RHEX: variants seen among roughly 807,000 people sequenced by gnomAD.
The protein encoded by RHEX is regulator of hemoglobinization and erythroid cell expansion, also known as regulator of hemoglobinization and erythroid cell expansion protein.
In RHEX, 18 loss-of-function variants were observed where a neutral mutation model predicts 20.1. The observed-to-expected ratio is 0.90, with a 90% confidence interval of 0.62 to 1.33. The LOEUF is 1.33. RHEX is among the 40% of genes most tolerant of loss of function. RHEX has a pLI of 0.00. For synonymous variants in RHEX, 87 were observed against 77.1 expected (o/e 1.13, Z -0.67); for missense variants, 192 against 214.3 (o/e 0.90, Z 0.65).
At chr1:206,097,946 C>A in intron 2 of RHEX, 107 bp downstream of exon 2, 1 of 1,184,396 alleles carries the variant, frequency 8.4e-7, no homozygotes, top group Non-Finnish European at 1.3e-6. Flanking sequence ...GCCTTATTGT[C>A]CAGAGAGGCA....
chr1:206,056,505 TTATAAGTG>T (rs1255464648), intron 1 of RHEX: 1 of 152,294 alleles, frequency 6.6e-6, no homozygotes, highest in Non-Finnish European at 1.5e-5. Flanking sequence ...TTTATGGTTA[TTATAAGTG>T]TACCAGGACT....
At position 206,087,925 on chromosome 1, in the gene RHEX, C is replaced by T. The variant is rs143714918; in HGVS notation, c.-96-9808C>T. ...GCCATTCCACAATGTATACTTATTT[C>T]GAAACATGTTGTACACAATAAATAT... On this transcript the variant is annotated intron_variant, in intron 1 of 5. Transcript: ENST00000331555. 2.5e-4 allele frequency among the ~76,000 whole-genome samples: 38 copies of T among 152,170 alleles called. 1 individual carries two copies. The East Asian group carries it at 6.2e-3, about 25-fold the overall frequency.
chr1:206,094,023 G>T (rs1306090950), intron 1 of RHEX, among the ~76,000 whole-genome samples: 3 of 152,150 alleles, frequency 2.0e-5, no homozygotes, highest in Non-Finnish European at 4.4e-5. Context: ...ACATTAGTGT[G>T]GGGGCTGGAT....
intron 1 of RHEX, among the ~76,000 whole-genome samples, chr1:206,073,676 C>T (rs1378245151): frequency 5.9e-5 from 9 of 152,094 alleles, no homozygotes; most frequent in Admixed American, 2.6e-4. Context: ...CCCTGTCTCG[C>T]GCAACCAACC....
At chr1:206,071,266 G>A (rs1662523281) in intron 1 of RHEX, among the ~76,000 whole-genome samples, 2 of 152,098 alleles carry the variant, frequency 1.3e-5, no homozygotes, top group South Asian at 2.1e-4. Context: ...GATGAAGGCC[G>A]GAAGACTCAG....
intron 1 of RHEX, among the ~76,000 whole-genome samples, chr1:206,076,799 G>A (rs532839755): frequency 1.8e-4 from 27 of 152,296 alleles, no homozygotes; most frequent in South Asian, 1.7e-3. Context: ...GGCTTATATG[G>A]ACTACATTTT....
At chr1:206,092,865 A>T (rs557995339) in intron 1 of RHEX, among the ~76,000 whole-genome samples, 1 of 152,188 alleles carries the variant, frequency 6.6e-6, no homozygotes, top group Non-Finnish European at 1.5e-5. Flanking sequence ...TACAAAATGG[A>T]AATAAAGATT....
intron 1 of RHEX, among the ~76,000 whole-genome samples, chr1:206,081,335 CT>C: frequency 6.6e-6 from 1 of 152,322 alleles, no homozygotes; most frequent in Middle Eastern, 3.4e-3. Context: ...TTCAATAATT[CT>C]GACTTTGCTA....
chr1:206,088,376 A>G (rs1403359300), intron 1 of RHEX, among the ~76,000 whole-genome samples: 1 of 152,202 alleles, frequency 6.6e-6, no homozygotes, highest in African/African-American at 2.4e-5. Flanking sequence ...TTGATAAACA[A>G]AATTATTGTT....
intron 1 of RHEX, among the ~76,000 whole-genome samples, chr1:206,065,890 G>C (rs118154690): frequency 0.014 from 2,138 of 152,302 alleles, 58 homozygotes; most frequent in Admixed American, 0.071. Context: ...CCAATCATCG[G>C]TTTTTCAGTT....
intron 1 of RHEX, among the ~76,000 whole-genome samples, chr1:206,066,598 C>T (rs1192396497): frequency 6.6e-6 from 1 of 152,044 alleles, no homozygotes; most frequent in Non-Finnish European, 1.5e-5. Flanking sequence ...GCCTGGGCAA[C>T]AAGAGAGAGA....
chr1:206,101,704 C>CA (rs1558181524), intron 5 of RHEX, 48 bp from the exon 6 acceptor site: 1 of 1,452,256 alleles, frequency 6.9e-7, no homozygotes, highest in East Asian at 2.3e-5. Context: ...TTATTTCCCC[C>CA]AAACGTGGTA....
chr1:206,084,522 A>G (rs1662799579), intron 1 of RHEX, among the ~76,000 whole-genome samples: 1 of 152,192 alleles, frequency 6.6e-6, no homozygotes, highest in Admixed American at 6.5e-5. Flanking sequence ...ATTTCATTAC[A>G]GAAGAGTTAG....
intron 1 of RHEX, among the ~76,000 whole-genome samples, chr1:206,058,167 T>C (rs1470734794): frequency 6.6e-6 from 1 of 152,228 alleles, no homozygotes; most frequent in Non-Finnish European, 1.5e-5. Context: ...TGTTTGGAAA[T>C]TGGTTCCCAG....
chr1:206,064,650 G>C (rs1553283930), intron 1 of RHEX, among the ~76,000 whole-genome samples: 1 of 149,350 alleles, frequency 6.7e-6, no homozygotes, highest in South Asian at 2.1e-4. Flanking sequence ...CCCGGGGGGA[G>C]GTGGGGGGGT....
intron 1 of RHEX, chr1:206,056,274 G>C (rs1489237783): frequency 6.6e-6 from 1 of 152,558 alleles, no homozygotes; most frequent in East Asian, 1.9e-4. Flanking sequence ...CCCCTGCAAA[G>C]TGACTCTGAA....
intron 1 of RHEX, among the ~76,000 whole-genome samples, chr1:206,059,006 C>A (rs1382161524): frequency 2.0e-5 from 3 of 152,096 alleles, no homozygotes; most frequent in African/African-American, 7.2e-5. Flanking sequence ...AGGTACTTGC[C>A]TTTCTGGCCC....
chr1:206,097,677 A>C, intron 1 of RHEX, 56 bp from the exon 2 acceptor site: 1 of 1,169,976 alleles, frequency 8.5e-7, no homozygotes, highest in South Asian at 1.3e-5. Context: ...GAGTTTGCCC[A>C]AGGGAAATTT....
chr1:206,078,968 A>G (rs1306473430), intron 1 of RHEX, among the ~76,000 whole-genome samples: 2 of 152,238 alleles, frequency 1.3e-5, no homozygotes, highest in Non-Finnish European at 2.9e-5. Flanking sequence ...TGGCTTTTGA[A>G]GTAATAATGA....
Sources: allele counts gnomAD v4.1 joint callset (sites outside exome capture counted in the v4.1 genomes callset), GRCh38; gene constraint gnomAD v4.1.1; transcripts MANE v1.5; gene names NCBI Gene and HGNC (gene_info 2026-07-23, HGNC 2026-07-21).